Variants in TNS1 observed in about 807,000 individuals in gnomAD.
TNS1 encodes the protein tensin-1.
TNS1 carries 62 observed loss-of-function variants against 168.6 expected under a neutral mutation model. The ratio of observed to expected loss-of-function variants is 0.37; its 90% CI spans 0.30 to 0.45. The LOEUF (loss-of-function observed/expected upper bound fraction) is 0.45. Among genes scored for constraint, TNS1 ranks in the 20% least tolerant of loss-of-function variants. The probability of loss-of-function intolerance (pLI) is 1.00; values close to 1 mark genes in which losing one functional copy is unlikely to be tolerated. For synonymous variants in TNS1, 934 were observed against 933.2 expected (o/e 1.00, Z -0.02); for missense variants, 2,240 against 2,339.4 (o/e 0.96, Z 0.88).
intron 3 of TNS1, among the ~76,000 whole-genome samples, chr2:217,927,770 G>C (rs1956109545): frequency 6.6e-6 from 1 of 152,180 alleles, no homozygotes. Context: ...CCCACTCTTA[G>C]AGCAGACCTG....
chr2:218,030,335 T>C (rs1336276986), intron 1 of TNS1, among the ~76,000 whole-genome samples: 2 of 152,216 alleles, frequency 1.3e-5, no homozygotes, highest in Non-Finnish European at 2.9e-5. Context: ...GTCACTTCCT[T>C]CACCTTCCCG....
At chr2:217,902,951 G>C (rs932438321) in intron 6 of TNS1, among the ~76,000 whole-genome samples, 1 of 152,206 alleles carries the variant, frequency 6.6e-6, no homozygotes, top group African/African-American at 2.4e-5. Context: ...CAGACAGACA[G>C]AACTCAGAGA....
upstream of TNS1, among the ~76,000 whole-genome samples, chr2:218,015,110 T>A (rs1305407227): frequency 1.3e-5 from 2 of 152,044 alleles, no homozygotes; most frequent in Non-Finnish European, 2.9e-5. Flanking sequence ...AGAGCTCCCA[T>A]CTCCCTGTTC....
chr2:217,896,421 G>C (rs1952303624), intron 8 of TNS1, among the ~76,000 whole-genome samples: 1 of 152,220 alleles, frequency 6.6e-6, no homozygotes, highest in African/African-American at 2.4e-5. Flanking sequence ...AATAATTGAT[G>C]TCCTTGTAGG....
intron 18 of TNS1, among the ~76,000 whole-genome samples, chr2:217,854,097 C>A (rs1947840374): frequency 6.6e-6 from 1 of 152,192 alleles, no homozygotes; most frequent in Non-Finnish European, 1.5e-5. Flanking sequence ...TGGGGTGGGG[C>A]CAGGAATCTG....
chr2:217,837,852 A>T (rs1945378102), intron 19 of TNS1, among the ~76,000 whole-genome samples: 1 of 152,220 alleles, frequency 6.6e-6, no homozygotes, highest in Non-Finnish European at 1.5e-5. Context: ...GAAGGAAAGA[A>T]GGGCGTGGTT....
At chr2:218,001,703 C>T (rs1025674420) in intron 1 of TNS1, among the ~76,000 whole-genome samples, 19 of 152,098 alleles carry the variant, frequency 1.2e-4, no homozygotes, top group Non-Finnish European at 2.5e-4. Flanking sequence ...GCCCAACATG[C>T]CACCCAAACC....
At chr2:217,902,175 A>G (rs1336873384) in intron 6 of TNS1, among the ~76,000 whole-genome samples, 2 of 152,148 alleles carry the variant, frequency 1.3e-5, no homozygotes, top group African/African-American at 4.8e-5. Flanking sequence ...CTGCCCCCTC[A>G]GAGGAACACA....
chr2:217,832,432 C>T (rs1157145081), intron 21 of TNS1, among the ~76,000 whole-genome samples: 4 of 152,208 alleles, frequency 2.6e-5, no homozygotes, highest in Non-Finnish European at 5.9e-5. Flanking sequence ...GCTGCCATGT[C>T]TCCTGACACA....
intron 3 of TNS1, among the ~76,000 whole-genome samples, chr2:217,959,073 C>T (rs1279187068): frequency 2.6e-5 from 4 of 152,218 alleles, no homozygotes; most frequent in South Asian, 2.1e-4. Flanking sequence ...CTGCACTGTG[C>T]GGGGAGGGGG....
At chr2:217,956,402 G>T (rs1480245848) in intron 3 of TNS1, among the ~76,000 whole-genome samples, 1 of 152,086 alleles carries the variant, frequency 6.6e-6, no homozygotes, top group African/African-American at 2.4e-5. Context: ...GTCCTGAGGG[G>T]CGCAGCAGAA....
intron 3 of TNS1, among the ~76,000 whole-genome samples, chr2:217,925,310 G>T (rs376979910): frequency 6.6e-6 from 1 of 152,124 alleles, no homozygotes; most frequent in African/African-American, 2.4e-5. Flanking sequence ...AAACCCAGGC[G>T]TCTGCCTAGC....
intron 1 of TNS1, among the ~76,000 whole-genome samples, chr2:218,024,166 A>T (rs1310965736): frequency 6.6e-6 from 1 of 152,168 alleles, no homozygotes; most frequent in Non-Finnish European, 1.5e-5. Context: ...AAGAGGTGGT[A>T]AGAAAGGACT....
At chr2:217,875,905 A>C (rs905950621) in intron 18 of TNS1, among the ~76,000 whole-genome samples, 1 of 152,202 alleles carries the variant, frequency 6.6e-6, no homozygotes, top group African/African-American at 2.4e-5. Context: ...AACAAGGGAA[A>C]GACTGATGGG....
At chr2:217,993,287 A>T (rs553344538) in intron 1 of TNS1, among the ~76,000 whole-genome samples, 11 of 152,370 alleles carry the variant, frequency 7.2e-5, no homozygotes, top group African/African-American at 2.6e-4. Context: ...GATAAGGCAC[A>T]AGATACTTAC....
upstream of TNS1, among the ~76,000 whole-genome samples, chr2:218,011,648 G>A (rs1351871442): frequency 6.6e-6 from 1 of 152,158 alleles, no homozygotes; most frequent in African/African-American, 2.4e-5. Flanking sequence ...GGCCCTGAAA[G>A]TTTCTCAGCT....
exon 1 of TNS1, chr2:218,010,272 G>A (rs775588662): frequency 2.5e-6 from 1 of 398,342 alleles, no homozygotes; most frequent in Non-Finnish European, 4.4e-6. Context: ...AGAGTTCCGG[G>A]GTTGGGGCGG....
chr2:217,945,235 T>G (rs1463775611), intron 3 of TNS1, among the ~76,000 whole-genome samples: 1 of 152,242 alleles, frequency 6.6e-6, no homozygotes, highest in East Asian at 1.9e-4. Flanking sequence ...CAGAAAGGTC[T>G]TTAAGAACTT....
intron 4 of TNS1, among the ~76,000 whole-genome samples, chr2:217,915,884 C>T (rs1954952465): frequency 6.6e-6 from 1 of 152,196 alleles, no homozygotes; most frequent in African/African-American, 2.4e-5. Context: ...GTCCCAATGG[C>T]CCCACGTCAT....
Sources: gnomAD v4.1 joint callset for allele counts (sites outside exome capture counted in the v4.1 genomes callset) on GRCh38, gnomAD v4.1.1 for gene constraint, MANE v1.5 for transcripts, NCBI Gene and HGNC (gene_info 2026-07-23, HGNC 2026-07-21) for gene names.